Variants in SLC4A8 observed in about 807,000 individuals in gnomAD.
SLC4A8 encodes the protein solute carrier family 4 member 8.
SLC4A8 carries 40 observed loss-of-function variants against 125.0 expected under a neutral mutation model. The observed-to-expected ratio is 0.32, with a 90% CI of 0.25 to 0.42. The LOEUF is 0.42. Among genes scored for constraint, SLC4A8 ranks in the 10% least tolerant of loss-of-function variants. SLC4A8 has a pLI of 1.00. For synonymous variants in SLC4A8, 456 were observed against 476.0 expected (o/e 0.96, Z 0.55); for missense variants, 863 against 1,355.1 (o/e 0.64, Z 5.70).
At chr12:51,448,668 G>C (rs1277466696) in intron 2 of SLC4A8, among the ~76,000 whole-genome samples, 1 of 152,170 alleles carries the variant, frequency 6.6e-6, no homozygotes, top group Non-Finnish European at 1.5e-5. Context: ...GAGCACCCAA[G>C]TGGTTTGGAT....
At chr12:51,407,434 A>T (rs200403437) in intron 1 of SLC4A8, among the ~76,000 whole-genome samples, 2,242 of 144,642 alleles carry the variant, frequency 0.016, 61 homozygotes, top group East Asian at 0.1. Flanking sequence ...TATAAAAAAA[A>T]TTTTTTTTTT....
At position 51,489,834 on chromosome 12, in the gene SLC4A8, T is replaced by C; in HGVS notation, c.2583T>C (p.Ser861=). The C allele has an allele frequency of 4.3e-6, 7 of 1,614,192 alleles. No homozygotes were observed. The highest frequency in any genetic ancestry group is 5.9e-6 in the Non-Finnish European group (7 of 1,180,026). ...ITHVNSLKLE[S]ECSAPGEQPK... is the part of the protein sequence containing the mutation. ...ATGTGAACAGCCTCAAGCTAGAATCTGAATGCTCTGCTCCTGGAGAACAGC... is the reference window on the plus strand; with the variant it reads ...ATGTGAACAGCCTCAAGCTAGAATCCGAATGCTCTGCTCCTGGAGAACAGC... The change falls in exon 19 of 25, where the codon TCT becomes TCC. Residue 861 remains serine, a synonymous_variant. Transcript: ENST00000453097.
chr12:51,469,474 G>C lies in SLC4A8; in HGVS notation c.1350-140G>C, dbSNP rs1010733149. Reference sequence around the variant, plus strand: ...AGAGACTCTCTGCTGACCTAAGAGAGTTATCTGTACTGGGGTCAAACTGAA... The same window carrying C: ...AGAGACTCTCTGCTGACCTAAGAGACTTATCTGTACTGGGGTCAAACTGAA... On this transcript the variant is annotated intron_variant, in intron 11 of 24. Transcript: ENST00000453097. 9 of 623,322 alleles carry C rather than the reference G, an allele frequency of 1.4e-5. No homozygotes were observed. In the African/African-American group the frequency reaches 1.7e-4, roughly 11 times the overall value. 38.6% of individuals were successfully genotyped at this position (623,322 alleles called of 1,614,324 possible).
At chr12:51,443,927 C>T (rs1342507837) in intron 2 of SLC4A8, among the ~76,000 whole-genome samples, 1 of 152,166 alleles carries the variant, frequency 6.6e-6, no homozygotes, top group African/African-American at 2.4e-5. Flanking sequence ...GATTCATTGC[C>T]AGTTCACTAA....
chr12:51,476,963 G>T (rs1016029465), intron 16 of SLC4A8, among the ~76,000 whole-genome samples: 1 of 143,562 alleles, frequency 7.0e-6, no homozygotes, highest in African/African-American at 2.6e-5. Context: ...GCTGGAGTGC[G>T]ATGGTACAAT....
chr12:51,493,914 A>T, intron 20 of SLC4A8, 142 bp downstream of exon 20: 1 of 685,398 alleles, frequency 1.5e-6, no homozygotes, highest in Non-Finnish European at 2.7e-6. Flanking sequence ...TATTTTAGAC[A>T]TGTATTTGGA....
At position 51,449,053 on chromosome 12, in the gene SLC4A8, TAG is replaced by T. The variant is rs541083187; in HGVS notation, c.131-1820_131-1819del. On this transcript the variant is annotated intron_variant, in intron 2 of 24. Coordinates refer to ENST00000453097, the MANE Select transcript of SLC4A8 (RefSeq NM_001039960.3). ...ACCAGAGGGGTGGGAGACAATGGGATAGAGTCATACTCATTAACATACCCAGC... is the reference window on the plus strand; with the variant it reads ...ACCAGAGGGGTGGGAGACAATGGGATAGTCATACTCATTAACATACCCAGC... 1.1e-4 allele frequency among the ~76,000 whole-genome samples: 16 copies of T among 152,156 alleles called. No homozygotes were observed. In the South Asian group the frequency reaches 2.9e-3, roughly 28 times the overall value.
chr12:51,456,650 A>G (rs1255845761), intron 5 of SLC4A8, among the ~76,000 whole-genome samples: 1 of 152,204 alleles, frequency 6.6e-6, no homozygotes, highest in Non-Finnish European at 1.5e-5. Flanking sequence ...CTTGCTCAAG[A>G]TCACACAGCT....
At chr12:51,397,585 C>T (rs1043043481) in intron 1 of SLC4A8, among the ~76,000 whole-genome samples, 1 of 151,902 alleles carries the variant, frequency 6.6e-6, no homozygotes, top group African/African-American at 2.4e-5. Flanking sequence ...CACAGAAAAT[C>T]ACAAAAAAAG....
intron 1 of SLC4A8, among the ~76,000 whole-genome samples, chr12:51,398,268 C>T (rs1237323156): frequency 6.6e-6 from 1 of 152,174 alleles, no homozygotes. Context: ...GATTCCTTGG[C>T]ATTTTATATT....
chr12:51,484,281 C>G (rs568997910), intron 16 of SLC4A8, among the ~76,000 whole-genome samples: 4 of 152,312 alleles, frequency 2.6e-5, no homozygotes, highest in African/African-American at 9.6e-5. Flanking sequence ...CTGTTCTGTA[C>G]TGACTACTTG....
rs936592123 is a variant in SLC4A8, at chr12:51,515,675, T to C, written c.*8237T>C. The C allele has an allele frequency of 6.6e-6, 1 of 152,104 alleles. No individual in the cohort carries two copies. The highest frequency in any genetic ancestry group is 2.4e-5 in the African/African-American group (1 of 41,408). The allele number at this position is 152,104 out of a possible 1,614,324, so 9.4% of individuals were successfully genotyped here. ...TGTGTCTGTGAACCAGGGCAGGTAA[T>C]TGTGACACTGCATCTCATAGAACTC... On this transcript the variant is annotated 3_prime_UTR_variant, in exon 25 of 25. Transcript: ENST00000453097.
intron 14 of SLC4A8, among the ~76,000 whole-genome samples, chr12:51,473,262 T>G (rs1210681255): frequency 6.6e-6 from 1 of 152,224 alleles, no homozygotes. Context: ...GTCCTTATAG[T>G]TTTGAATTTT....
At position 51,510,689 on chromosome 12, in the gene SLC4A8, G is replaced by A. The variant is rs1325721366; in HGVS notation, c.*3251G>A. ...CCCCTCTCTTTCTTTTCATGCAAGA[G>A]ACTTTAAGGGTAACCTCTTCAGTTG... On this transcript the variant is annotated 3_prime_UTR_variant, in exon 25 of 25. Coordinates refer to ENST00000453097, the MANE Select transcript of SLC4A8 (RefSeq NM_001039960.3). 2.6e-5 allele frequency: 4 copies of A among 152,182 alleles called. No homozygotes were observed. Among genetic ancestry groups the A allele is most frequent in the African/African-American group, 7.2e-5 (3 of 41,436 alleles). 9.4% of individuals were successfully genotyped at this position (152,182 alleles called of 1,614,324 possible). A position where few individuals can be genotyped will look rare whatever the true frequency, so the allele number is the denominator to read the frequency against.
intron 17 of SLC4A8, among the ~76,000 whole-genome samples, chr12:51,487,048 C>G (rs1462967186): frequency 6.6e-6 from 1 of 152,124 alleles, no homozygotes; most frequent in African/African-American, 2.4e-5. Flanking sequence ...TTAAGCGGTC[C>G]TTGGAAAGGT....
intron 23 of SLC4A8, among the ~76,000 whole-genome samples, chr12:51,504,507 A>G (rs1938079901): frequency 6.6e-6 from 1 of 152,234 alleles, no homozygotes; most frequent in Non-Finnish European, 1.5e-5. Flanking sequence ...CAAAGTTACA[A>G]TGTTGCTGAA....
intron 22 of SLC4A8, among the ~76,000 whole-genome samples, 164 bp from the exon 23 acceptor site, chr12:51,503,865 G>A (rs1938046078): frequency 6.6e-6 from 1 of 151,958 alleles, no homozygotes; most frequent in Non-Finnish European, 1.5e-5. Flanking sequence ...ATAAATATCT[G>A]GTTGTCTCTC....
rs1949110001 is a variant in SLC4A8 at position 51,429,331 on chromosome 12, G to A, written c.48+4296G>A. On this transcript the variant is annotated intron_variant, in intron 1 of 24. Coordinates refer to ENST00000453097, the MANE Select transcript of SLC4A8 (RefSeq NM_001039960.3). ...GCATTACTGTGGCTGTGTCTTTGTT[G>A]CCTATAACAGTACCTGTCTCTGAAT... Among the ~76,000 whole-genome samples, 4 of 152,178 alleles carry A rather than the reference G, an allele frequency of 2.6e-5. No individual in the cohort carries two copies. In the South Asian group the frequency reaches 8.3e-4, roughly 32 times the overall value.
intron 3 of SLC4A8, 71 bp from the exon 4 acceptor site, chr12:51,452,053 G>C: frequency 6.8e-7 from 1 of 1,462,220 alleles, no homozygotes; most frequent in Admixed American, 1.7e-5. Flanking sequence ...AAGTTGTTAG[G>C]TAAGGAAGAA....
Sources: gnomAD v4.1 joint callset for allele counts (sites outside exome capture counted in the v4.1 genomes callset) on GRCh38, gnomAD v4.1.1 for gene constraint, MANE v1.5 for transcripts, NCBI Gene and HGNC (gene_info 2026-07-23, HGNC 2026-07-21) for gene names.